The following MICB variants were observed in gnomAD, a reference collection of about 807,000 sequenced individuals.
MICB encodes the protein MHC class I antigen-related protein B.
Under a neutral mutation model 34.3 loss-of-function variants are expected in MICB, and 27 were observed. That is an observed-to-expected ratio of 0.79 (90% CI 0.58 to 1.08). The LOEUF (loss-of-function observed/expected upper bound fraction) is 1.08. MICB is among the 50% of genes least tolerant of loss of function. The pLI is 0.00. For missense variants in MICB, 426 were observed against 483.1 expected, an observed-to-expected ratio of 0.88 and a Z score of 1.11; for synonymous variants, 153 against 187.4, an observed-to-expected ratio of 0.82 and a Z score of 1.50.
chr6:31,503,827 G>A (rs1016981655), intron 1 of MICB, among the ~76,000 whole-genome samples: 74 of 152,090 alleles, frequency 4.9e-4, no homozygotes, highest in African/African-American at 1.5e-3. Flanking sequence ...TGGATCATAC[G>A]GTATTTCATT....
rs1281641177 is a variant in MICB, at chr6:31,505,814, A to C, written c.268A>C (p.Thr90Pro). 2 of 1,613,140 alleles carry C rather than the reference A, an allele frequency of 1.2e-6. No individual in the cohort carries two copies. Among genetic ancestry groups the C allele is most frequent in the South Asian group, 1.1e-5 (1 of 91,056 alleles). The change falls in exon 2 of 6, where the codon ACA becomes CCA. Residue 90 changes from threonine (T) to proline (P), a missense_variant. Thr to Pro is a conservative substitution (Grantham distance 38). Coordinates refer to ENST00000252229, the MANE Select transcript of MICB (RefSeq NM_005931.5). ...KTWDTETEDLTENGQDLRRTL... is the reference protein window; with the variant it reads ...KTWDTETEDLPENGQDLRRTL... ...CTGGGACACAGAGACCGAGGACTTG[A>C]CAGAGAATGGGCAAGACCTCAGGAG...
upstream of MICB, chr6:31,498,008 A>C: frequency 2.7e-6 from 1 of 364,724 alleles, no homozygotes; most frequent in Non-Finnish European, 5.0e-6. Context: ...GGCCGCTAGA[A>C]TTTTCTCTTC....
At chr6:31,500,565 G>A (rs1348544159) in intron 1 of MICB, among the ~76,000 whole-genome samples, 1 of 151,438 alleles carries the variant, frequency 6.6e-6, no homozygotes, top group Non-Finnish European at 1.5e-5. Flanking sequence ...CTATATTTTT[G>A]TACCCATTAA....
Position 31,505,653 on chromosome 6 carries a change from C to A in MICB, c.107C>A (p.Ser36Tyr). The change falls in exon 2 of 6, where the codon TCC becomes TAC. Residue 36 changes from serine to tyrosine, a missense_variant. By Grantham distance (144) the Ser-to-Tyr change is moderately radical. Transcript: ENST00000252229. ...CTTCGTTACAACCTCATGGTGCTGT[C>A]CCAGGATGGATCTGTGCAGTCAGGG... is the stretch of plus-strand genomic sequence containing the variant. ...HSLRYNLMVLSQDGSVQSGFL... is the reference protein window; with the variant it reads ...HSLRYNLMVLYQDGSVQSGFL... The A allele has an allele frequency of 6.2e-7, 1 of 1,612,704 alleles. No individual in the cohort carries two copies. Among genetic ancestry groups the A allele is most frequent in the Non-Finnish European group, 8.5e-7 (1 of 1,179,924 alleles).
chr6:31,495,418 T>C (rs543726756), upstream of MICB, among the ~76,000 whole-genome samples: 26 of 152,226 alleles, frequency 1.7e-4, no homozygotes, highest in Admixed American at 3.3e-4. Flanking sequence ...ACTATGCTTA[T>C]GATCTTTAGC....
chr6:31,510,325 CT>C lies in MICB; in HGVS notation c.*417del, dbSNP rs202133406. On this transcript the variant is annotated 3_prime_UTR_variant, in exon 6 of 6. Coordinates refer to ENST00000252229, the MANE Select transcript of MICB (RefSeq NM_005931.5). ...CAGCAGCTGACTCCTTCTTCCACCC[CT>C]CTTCTTGCTATCTCCTATACCAATA... 0.021 allele frequency: 3,366 copies of C among 156,830 alleles called. 70 individuals are homozygous for C. The highest frequency in any genetic ancestry group is 0.072 in the South Asian group (353 of 4,876). The allele number at this position is 156,830 out of a possible 1,614,324, so 9.7% of individuals were successfully genotyped here.
At chr6:31,498,306 G>T (rs114766555) in intron 1 of MICB, 43 bp downstream of exon 1, 17 of 1,494,262 alleles carry the variant, frequency 1.1e-5, no homozygotes, top group Non-Finnish European at 1.5e-5. Context: ...CGGGAGCGGC[G>T]GGGCGTTTCC....
rs763714933 is a variant in MICB, at chr6:31,509,944, GC to G, written c.*37del. 6.4e-7 allele frequency: 1 copy of G among 1,563,594 alleles called. No homozygotes were observed. Among genetic ancestry groups the G allele is most frequent in the Admixed American group, 1.9e-5 (1 of 52,788 alleles). On this transcript the variant is annotated 3_prime_UTR_variant, in exon 6 of 6. Coordinates refer to ENST00000252229, the MANE Select transcript of MICB (RefSeq NM_005931.5). ...CCAGGCGGCCAGGATTCAACTCCCT[GC>G]CTGGATCTCACCAGCACTTTCCCTC...
rs1316888056 is a variant in MICB at position 31,507,809 on chromosome 6, T to A, written c.1024+278T>A. Among the ~76,000 whole-genome samples, 1 of 151,944 alleles carries A rather than the reference T, an allele frequency of 6.6e-6. No homozygotes were observed. The highest frequency in any genetic ancestry group is 1.9e-4 in the East Asian group (1 of 5,186). The stretch of plus-strand genomic sequence containing the variant: ...AGGGAGGGCTGTGGCACCTGCTCTG[T>A]CCCCATCCCAGCCTCTCTGTCTCTC... On this transcript the variant is annotated intron_variant, in intron 5 of 5. Coordinates refer to ENST00000252229, the MANE Select transcript of MICB (RefSeq NM_005931.5). The surrounding 1 kb of genome is among the most constrained non-coding windows in gnomAD (Gnocchi z 6.0).
At chr6:31,504,254 C>CTTTT (rs9281513) in intron 1 of MICB, among the ~76,000 whole-genome samples, 1,012 of 60,226 alleles carry the variant, frequency 0.017, 129 homozygotes, top group Middle Eastern at 0.029. Flanking sequence ...CTCTCTTTTT[C>CTTTT]TTTTTTTTTT....
At chr6:31,506,876 G>T in intron 3 of MICB, 146 bp from the exon 4 acceptor site, 1 of 1,317,796 alleles carries the variant, frequency 7.6e-7, no homozygotes, top group Non-Finnish European at 1.0e-6. Context: ...GAGGAATTAG[G>T]CCCCAGGGTG....
At chr6:31,506,023 C>G in intron 2 of MICB, 120 bp from the exon 3 acceptor site, 1 of 1,480,854 alleles carries the variant, frequency 6.8e-7, no homozygotes, top group Non-Finnish European at 9.0e-7. Flanking sequence ...AGCCGGAACT[C>G]AGCCCACACA....
upstream of MICB, among the ~76,000 whole-genome samples, chr6:31,496,944 A>G (rs1764700609): frequency 2.0e-5 from 3 of 152,110 alleles, no homozygotes; most frequent in South Asian, 6.2e-4. Context: ...CCCTGGGGAA[A>G]TGTCACCAGA....
At position 31,505,886 on chromosome 6, in the gene MICB, G is replaced by A. The variant is rs765798481; in HGVS notation, c.325+15G>A. ...CCAGAAAGGAGGTGAGAGTCGGCAGGGGCAAGAGTAATGGGAGGCCTTCTC... is the reference window on the plus strand; with the variant it reads ...CCAGAAAGGAGGTGAGAGTCGGCAGAGGCAAGAGTAATGGGAGGCCTTCTC... On this transcript the variant is annotated intron_variant, in intron 2 of 5. Transcript: ENST00000252229. 9 of 1,585,648 alleles carry A rather than the reference G, an allele frequency of 5.7e-6. No homozygotes were observed. Among genetic ancestry groups the A allele is most frequent in the Non-Finnish European group, 7.7e-6 (9 of 1,165,370 alleles).
At chr6:31,496,012 G>C (rs562041486), upstream of MICB, among the ~76,000 whole-genome samples, 1 of 152,206 alleles carries the variant, frequency 6.6e-6, no homozygotes, top group South Asian at 2.1e-4. Flanking sequence ...TCGGAATCAC[G>C]TAGGGAACTT....
chr6:31,504,350 G>A (rs1388932331), intron 1 of MICB, among the ~76,000 whole-genome samples: 6 of 124,680 alleles, frequency 4.8e-5, no homozygotes, highest in African/African-American at 9.2e-5. Context: ...AGCTCCGCCC[G>A]CTAGCTTCAT....
At chr6:31,506,907 C>A in intron 3 of MICB, 115 bp from the exon 4 acceptor site, 1 of 1,490,946 alleles carries the variant, frequency 6.7e-7, no homozygotes, top group Non-Finnish European at 9.0e-7. Flanking sequence ...TACAGAAGGT[C>A]CGGTATCTGT....
chr6:31,499,411 C>A (rs1204234518), intron 1 of MICB, among the ~76,000 whole-genome samples: 1 of 151,986 alleles, frequency 6.6e-6, no homozygotes, highest in African/African-American at 2.4e-5. Context: ...CTGCCTTCAT[C>A]CCCCGCCCCC....
At chr6:31,509,465 C>T (rs1381341557) in intron 5 of MICB, among the ~76,000 whole-genome samples, 1 of 152,156 alleles carries the variant, frequency 6.6e-6, no homozygotes, top group Admixed American at 6.5e-5. Flanking sequence ...GGAGGCCTCT[C>T]ACTGTAACAG....
Sources: allele counts gnomAD v4.1 joint callset (sites outside exome capture counted in the v4.1 genomes callset), GRCh38; gene constraint gnomAD v4.1.1; non-coding constraint Gnocchi (gnomAD v3.1); transcripts MANE v1.5; gene names NCBI Gene and HGNC (gene_info 2026-07-23, HGNC 2026-07-21).